The following DLG2 variants were observed in gnomAD, a reference collection of about 807,000 sequenced individuals.
DLG2 encodes discs large MAGUK scaffold protein 2.
In DLG2, 45 loss-of-function variants were observed where a neutral mutation model predicts 132.5. That is an observed-to-expected ratio of 0.34 (90% CI 0.27 to 0.44). The LOEUF (loss-of-function observed/expected upper bound fraction) is 0.44, where lower values mean the gene tolerates loss of function less well. DLG2 is among the 20% of genes least tolerant of loss of function. The probability of loss-of-function intolerance (pLI) is 1.00; values close to 1 mark genes in which losing one functional copy is unlikely to be tolerated. For synonymous variants in DLG2, 424 were observed against 419.6 expected (o/e 1.01, Z -0.13); for missense variants, 1,045 against 1,196.9 (o/e 0.87, Z 1.87).
chr11:84,122,559 C>T lies in DLG2; in HGVS notation c.625-23512G>A, dbSNP rs554687943. On this transcript the variant is annotated intron_variant, in intron 9 of 27. Coordinates refer to ENST00000376104, the MANE Select transcript of DLG2 (RefSeq NM_001142699.3). ...TGCACACCAGACACTTACTTTTGAACTTCCATGCTCCTAGGGCAAACAAAC... is the reference window on the plus strand; with the variant it reads ...TGCACACCAGACACTTACTTTTGAATTTCCATGCTCCTAGGGCAAACAAAC... 1.1e-4 allele frequency among the ~76,000 whole-genome samples: 15 copies of T among 141,344 alleles called. No homozygotes were observed. The South Asian group carries it at 3.7e-3, about 35-fold the overall frequency. The allele number at this position is 141,344 out of a possible 152,430, so 92.7% of individuals were successfully genotyped here. A position where few individuals can be genotyped will look rare whatever the true frequency, so the allele number is the denominator to read the frequency against.
intron 6 of DLG2, among the ~76,000 whole-genome samples, chr11:84,816,917 GC>G (rs2077142331): frequency 6.6e-6 from 1 of 151,904 alleles, no homozygotes; most frequent in Admixed American, 6.6e-5. Flanking sequence ...TATGGTCTTT[GC>G]CAAGTCATCT....
chr11:85,182,767 G>A (rs997686091), intron 4 of DLG2, among the ~76,000 whole-genome samples: 3 of 150,806 alleles, frequency 2.0e-5, no homozygotes, highest in Non-Finnish European at 4.4e-5. Flanking sequence ...TACTAGCAAA[G>A]TAAAAATCCT....
chr11:84,227,466 C>T (rs543488136), intron 8 of DLG2, among the ~76,000 whole-genome samples: 85 of 152,248 alleles, frequency 5.6e-4, no homozygotes, highest in African/African-American at 1.6e-3. Flanking sequence ...TGTGCCCCCA[C>T]TGAGCCATTT....
chr11:83,937,323 C>T (rs764233358), intron 14 of DLG2, among the ~76,000 whole-genome samples: 1 of 151,646 alleles, frequency 6.6e-6, no homozygotes, highest in Non-Finnish European at 1.5e-5. Context: ...CTGGCTACCA[C>T]GGTGAAACCC....
At chr11:83,901,438 T>C (rs778449241) in intron 15 of DLG2, among the ~76,000 whole-genome samples, 1 of 152,142 alleles carries the variant, frequency 6.6e-6, no homozygotes, top group Non-Finnish European at 1.5e-5. Flanking sequence ...TGGAAGAGAA[T>C]TGAATCATGG....
chr11:84,710,997 C>CATATATATAT (rs201024808), intron 6 of DLG2, among the ~76,000 whole-genome samples: 18 of 96,154 alleles, frequency 1.9e-4, no homozygotes, highest in Admixed American at 6.1e-4. Context: ...CAAGTACATT[C>CATATATATAT]ATATATATAT....
At chr11:84,718,190 G>C (rs1428819848) in intron 6 of DLG2, among the ~76,000 whole-genome samples, 1 of 151,946 alleles carries the variant, frequency 6.6e-6, no homozygotes, top group Non-Finnish European at 1.5e-5. Flanking sequence ...AGGGATTTGA[G>C]AATTATCTTA....
At chr11:84,612,087 T>C (rs2099596495) in intron 6 of DLG2, among the ~76,000 whole-genome samples, 1 of 152,186 alleles carries the variant, frequency 6.6e-6, no homozygotes, top group Non-Finnish European at 1.5e-5. Context: ...TTTGTACTCT[T>C]TCCCTTTACA....
At chr11:83,798,880 T>C (rs2043556264) in intron 17 of DLG2, among the ~76,000 whole-genome samples, 1 of 152,182 alleles carries the variant, frequency 6.6e-6, no homozygotes, top group Non-Finnish European at 1.5e-5. Flanking sequence ...GAAGTGAAAA[T>C]GTAAGTTCTG....
intron 7 of DLG2, among the ~76,000 whole-genome samples, chr11:84,459,898 T>C (rs1310457384): frequency 2.7e-5 from 4 of 150,646 alleles, no homozygotes; most frequent in Non-Finnish European, 6.0e-5. Context: ...AAATTTCAAA[T>C]AATGTTAAAG....
intron 4 of DLG2, among the ~76,000 whole-genome samples, chr11:85,173,453 T>G (rs1045834792): frequency 2.8e-4 from 42 of 152,176 alleles, no homozygotes; most frequent in African/African-American, 1.0e-3. Flanking sequence ...AGGCCTGCCT[T>G]GCAAGAGTTC....
chr11:84,053,138 A>C (rs532557763), intron 11 of DLG2, among the ~76,000 whole-genome samples: 4 of 152,214 alleles, frequency 2.6e-5, no homozygotes, highest in Non-Finnish European at 4.4e-5. Context: ...ATTGGAAGCC[A>C]TTATCATCAG....
intron 6 of DLG2, among the ~76,000 whole-genome samples, chr11:84,905,584 G>A (rs1236375629): frequency 1.3e-5 from 2 of 152,134 alleles, no homozygotes; most frequent in Non-Finnish European, 2.9e-5. Flanking sequence ...ACAAACTCCT[G>A]TAACCACCAC....
chr11:84,535,294 GA>G (rs1238364588), intron 6 of DLG2, among the ~76,000 whole-genome samples: 2 of 152,178 alleles, frequency 1.3e-5, no homozygotes, highest in African/African-American at 4.8e-5. Context: ...CACCCGCTAG[GA>G]GAAGGAGTAT....
intron 9 of DLG2, among the ~76,000 whole-genome samples, chr11:84,123,709 C>T (rs1358390751): frequency 1.3e-5 from 2 of 152,136 alleles, no homozygotes; most frequent in African/African-American, 4.8e-5. Flanking sequence ...ATCCCTTAAC[C>T]ATTTCTTTTG....
intron 6 of DLG2, among the ~76,000 whole-genome samples, chr11:84,922,466 A>T (rs2092798499): frequency 6.6e-6 from 1 of 152,190 alleles, no homozygotes; most frequent in Non-Finnish European, 1.5e-5. Context: ...CTCATTAGCT[A>T]CAGCAAGTGA....
At chr11:85,316,387 G>T (rs572749609) in intron 3 of DLG2, among the ~76,000 whole-genome samples, 68 of 152,056 alleles carry the variant, frequency 4.5e-4, no homozygotes, top group African/African-American at 1.6e-3. Flanking sequence ...TGGACAGAAA[G>T]ACAAGACTTA....
At chr11:85,114,372 T>G (rs927571212) in intron 5 of DLG2, among the ~76,000 whole-genome samples, 1 of 151,944 alleles carries the variant, frequency 6.6e-6, no homozygotes, top group Non-Finnish European at 1.5e-5. Flanking sequence ...AACATTAGAA[T>G]TCCCTCAAGG....
At chr11:84,835,738 T>C (rs1467538099) in intron 6 of DLG2, among the ~76,000 whole-genome samples, 2 of 151,732 alleles carry the variant, frequency 1.3e-5, no homozygotes, top group African/African-American at 4.8e-5. Context: ...ATATACATCA[T>C]AGTCATTTAT....
Sources: allele counts gnomAD v4.1 joint callset (sites outside exome capture counted in the v4.1 genomes callset), GRCh38; gene constraint gnomAD v4.1.1; transcripts MANE v1.5; gene names NCBI Gene and HGNC (gene_info 2026-07-23, HGNC 2026-07-21).